The following CRTC1 variants were observed in gnomAD, a reference collection of about 807,000 sequenced individuals.
The protein encoded by CRTC1 is CREB regulated transcription coactivator 1.
CRTC1 carries 18 observed loss-of-function variants against 66.1 expected under a neutral mutation model. The observed-to-expected ratio is 0.27, with a 90% CI of 0.19 to 0.40. The LOEUF is 0.40. CRTC1 is among the 10% of genes least tolerant of loss of function. The pLI is 1.00. For missense variants in CRTC1, 669 were observed against 887.9 expected (o/e 0.75, Z 3.13); for synonymous variants, 416 against 398.8 (o/e 1.04, Z -0.51).
Position 18,741,810 on chromosome 19 carries a change from C to T in CRTC1, c.127-1100C>T, listed in dbSNP as rs537866714. Among the ~76,000 whole-genome samples the T allele has an allele frequency of 2.6e-5, 4 of 152,306 alleles. No homozygotes were observed. The highest frequency in any genetic ancestry group is 1.9e-4 in the East Asian group (1 of 5,178). ...CACAGGAAACAGCTGTTTACCTGGG[C>T]GAGGTGCTCAGCCGGGCAGGTGGCC... On this transcript the variant is annotated intron_variant, in intron 1 of 13. Transcript: ENST00000321949. The surrounding 1 kb of genome is among the most constrained non-coding windows in gnomAD (Gnocchi z 4.2).
chr19:18,700,233 G>A (rs1224275862), intron 1 of CRTC1, among the ~76,000 whole-genome samples: 1 of 152,176 alleles, frequency 6.6e-6, no homozygotes, highest in Non-Finnish European at 1.5e-5. Context: ...TGGGGTTGAA[G>A]GGTGCGGTGA....
At chr19:18,767,196 TTTTAA>T (rs2054755500) in intron 9 of CRTC1, among the ~76,000 whole-genome samples, 1 of 152,174 alleles carries the variant, frequency 6.6e-6, no homozygotes, top group East Asian at 1.9e-4. Flanking sequence ...TATTTTTTAA[TTTTAA>T]TTTAATTTTT....
rs1047306845 is a variant in CRTC1, at chr19:18,781,022, C to T, written c.*3640C>T. 3.5e-5 allele frequency: 8 copies of T among 226,588 alleles called. No individual in the cohort carries two copies. Among genetic ancestry groups the T allele is most frequent in the Non-Finnish European group, 6.1e-5 (7 of 113,916 alleles). 14.0% of individuals were successfully genotyped at this position (226,588 alleles called of 1,614,324 possible). On this transcript the variant is annotated 3_prime_UTR_variant, in exon 14 of 14. Transcript: ENST00000321949. ...TGGTGGAGTAAGGTCCAGCGGTATT[C>T]GGGGGTCCTCTGTCACCTCGCCCTG... is the stretch of plus-strand genomic sequence containing the variant.
At chr19:18,731,607 T>C (rs1394346486) in intron 1 of CRTC1, among the ~76,000 whole-genome samples, 2 of 152,204 alleles carry the variant, frequency 1.3e-5, no homozygotes, top group Non-Finnish European at 2.9e-5. Context: ...ACCCGATTCA[T>C]CCTGGGCTGC....
In CRTC1 at chr19:18,779,058, C is replaced by T; in HGVS notation, c.*1676C>T. 4.3e-6 allele frequency: 1 copy of T among 232,666 alleles called. No homozygotes were observed. The highest frequency in any genetic ancestry group is 8.5e-6 in the Non-Finnish European group (1 of 117,690). The allele number at this position is 232,666 out of a possible 1,614,324, so 14.4% of individuals were successfully genotyped here. A position where few individuals can be genotyped will look rare whatever the true frequency, so the allele number is the denominator to read the frequency against. On this transcript the variant is annotated 3_prime_UTR_variant, in exon 14 of 14. Transcript: ENST00000321949. ...GGGCCCTGCAAGGGAGGCATCAGGG[C>T]TGGCTTTGTTTTCTGCTGTTCTTGG...
chr19:18,759,409 C>T lies in CRTC1; in HGVS notation c.625-142C>T, dbSNP rs1019708375. ...GCCCCTGTCCTCCATCTGTGGGGCT[C>T]TGCGGCCCCAGCAAGCTTGGTTCTC... On this transcript the variant is annotated intron_variant, in intron 6 of 13. Transcript: ENST00000321949. 3.5e-6 allele frequency: 3 copies of T among 849,684 alleles called. No homozygotes were observed. In the African/African-American group the frequency reaches 5.1e-5, roughly 14 times the overall value. 52.6% of individuals were successfully genotyped at this position (849,684 alleles called of 1,614,324 possible).
chr19:18,718,224 CA>C (rs1472038276), intron 1 of CRTC1, among the ~76,000 whole-genome samples: 3 of 151,724 alleles, frequency 2.0e-5, no homozygotes, highest in Non-Finnish European at 4.4e-5. Flanking sequence ...CTGTTCTGAG[CA>C]TTTCAGATCG....
chr19:18,776,078 TCGG>T (rs1056762183), intron 13 of CRTC1, among the ~76,000 whole-genome samples: 18 of 152,128 alleles, frequency 1.2e-4, no homozygotes, highest in African/African-American at 4.3e-4. Flanking sequence ...CTCTCCCCTC[TCGG>T]CGGCCTCCTG....
At chr19:18,684,170 TTACCCGAGGGGGACAGGTGCCCCACA>T in intron 1 of CRTC1, among the ~76,000 whole-genome samples, 1 of 151,846 alleles carries the variant, frequency 6.6e-6, no homozygotes, top group Non-Finnish European at 1.5e-5. Context: ...TACATCATTG[TTACCCGAGGGGGACAGGTGCCCCACA>T]TTATTACTAC....
chr19:18,728,333 C>G (rs1402661667), intron 1 of CRTC1, among the ~76,000 whole-genome samples: 1 of 152,168 alleles, frequency 6.6e-6, no homozygotes, highest in Non-Finnish European at 1.5e-5. Flanking sequence ...TTCCAGGCCT[C>G]TTCAGCTTCA....
chr19:18,685,022 T>A (rs1401959997), intron 1 of CRTC1, among the ~76,000 whole-genome samples: 1 of 152,108 alleles, frequency 6.6e-6, no homozygotes, highest in Non-Finnish European at 1.5e-5. Context: ...TGGGGAGGGT[T>A]TGGGTGGGCT....
intron 1 of CRTC1, among the ~76,000 whole-genome samples, chr19:18,699,841 G>A (rs1402276253): frequency 1.3e-5 from 2 of 152,172 alleles, no homozygotes; most frequent in Non-Finnish European, 2.9e-5. Flanking sequence ...CCCATTGGCT[G>A]CCATGTGGGG....
At chr19:18,755,593 CTTTTTTTTTTT>C (rs58121199) in intron 6 of CRTC1, among the ~76,000 whole-genome samples, 25,287 of 107,362 alleles carry the variant, frequency 0.24, 2,520 homozygotes, top group Middle Eastern at 0.35. Context: ...CCAAACCTGG[CTTTTTTTTTTT>C]TTTTTTTTTT....
intron 1 of CRTC1, among the ~76,000 whole-genome samples, chr19:18,740,752 C>G (rs2054093447): frequency 6.6e-6 from 1 of 152,142 alleles, no homozygotes. Flanking sequence ...TCCTGTAATC[C>G]CAACACTTTG....
intron 9 of CRTC1, 119 bp downstream of exon 9, chr19:18,765,647 C>A: frequency 4.1e-6 from 4 of 969,546 alleles, no homozygotes; most frequent in South Asian, 1.9e-5. Flanking sequence ...AGAATGCTCC[C>A]AACACTTTTA....
At chr19:18,754,100 CA>C (rs35678786) in intron 6 of CRTC1, among the ~76,000 whole-genome samples, 2,889 of 80,722 alleles carry the variant, frequency 0.036, 30 homozygotes, top group African/African-American at 0.07. Flanking sequence ...GACTCCATCT[CA>C]AAAAAAAAAA....
In CRTC1 at chr19:18,704,119, A is replaced by G. The variant is rs568653025; in HGVS notation, c.126+20291A>G. On this transcript the variant is annotated intron_variant, in intron 1 of 13. Coordinates refer to ENST00000321949, the MANE Select transcript of CRTC1 (RefSeq NM_015321.3). ...GAAGTGAAGTGCTCGTTTTCTTTTT[A>G]TATTTTTTCTTTTTTTATATTTAAA... Among the ~76,000 whole-genome samples the G allele has an allele frequency of 3.2e-4, 49 of 152,174 alleles. No homozygotes were observed. In the East Asian group the frequency reaches 9.3e-3, roughly 29 times the overall value.
chr19:18,753,887 G>T (rs947774357), intron 6 of CRTC1, among the ~76,000 whole-genome samples: 33 of 152,236 alleles, frequency 2.2e-4, no homozygotes, highest in African/African-American at 7.5e-4. Context: ...ATTGCCAGAG[G>T]TCAGGAGTTC....
At chr19:18,763,118 T>A (rs1183338538) in intron 8 of CRTC1, among the ~76,000 whole-genome samples, 1 of 152,170 alleles carries the variant, frequency 6.6e-6, no homozygotes, top group Non-Finnish European at 1.5e-5. Flanking sequence ...TTCTTTTTTT[T>A]GAGACAAAGT....
Sources: gnomAD v4.1 joint callset for allele counts (sites outside exome capture counted in the v4.1 genomes callset) on GRCh38, gnomAD v4.1.1 for gene constraint, Gnocchi (gnomAD v3.1) non-coding constraint, MANE v1.5 for transcripts, NCBI Gene and HGNC (gene_info 2026-07-23, HGNC 2026-07-21) for gene names.